The following AVL9 variants were observed in gnomAD, a reference collection of about 807,000 sequenced individuals.
AVL9 encodes late secretory pathway protein AVL9 homolog.
In AVL9, 49 loss-of-function variants were observed where a neutral mutation model predicts 79.2. That is an observed-to-expected ratio of 0.62 (90% CI 0.49 to 0.79). The LOEUF (loss-of-function observed/expected upper bound fraction) is 0.79, where lower values mean the gene tolerates loss of function less well. Ranked by LOEUF, AVL9 falls within the 30% of genes least tolerant of loss-of-function variation. The pLI is 0.00. For missense variants in AVL9, 682 were observed against 776.8 expected, an observed-to-expected ratio of 0.88 and a Z score of 1.45; for synonymous variants, 299 against 280.6, an observed-to-expected ratio of 1.07 and a Z score of -0.65.
rs6946504 is a variant in AVL9, at chr7:32,545,243, G to A, written c.300+464G>A. Among the ~76,000 whole-genome samples the A allele has an allele frequency of 7.1e-3, 1,075 of 150,614 alleles. 13 individuals are homozygous for A. The highest frequency in any genetic ancestry group is 0.024 in the African/African-American group (1,006 of 41,066). On this transcript the variant is annotated intron_variant, in intron 3 of 15. Transcript: ENST00000318709. ...CTGCCTCAGCCTGCTGAGTAGCTGG[G>A]ACTACAGGTGTGCACCACTGTGCCT...
At position 32,588,664 on chromosome 7, in the gene AVL9, CTTTAT is replaced by C. The variant is rs1001383852; in HGVS notation, c.*4762_*4766del. On this transcript the variant is annotated 3_prime_UTR_variant, in exon 16 of 16. Coordinates refer to ENST00000318709, the MANE Select transcript of AVL9 (RefSeq NM_015060.3). ...CTGAATTGTAAAACTTGAATTGTAT[CTTTAT>C]TTTAAGCATAAATGAGAATAAAATG... The C allele has an allele frequency of 5.3e-5, 8 of 152,038 alleles. No individual in the cohort carries two copies. Among genetic ancestry groups the C allele is most frequent in the African/African-American group, 1.2e-4 (5 of 41,394 alleles). 9.4% of individuals were successfully genotyped at this position (152,038 alleles called of 1,614,324 possible).
chr7:32,548,959 T>G, intron 4 of AVL9, 41 bp downstream of exon 4: 1 of 1,330,538 alleles, frequency 7.5e-7, no homozygotes, highest in Non-Finnish European at 1.0e-6. Context: ...TAAACCTTCA[T>G]GGCAGATCTT....
intron 1 of AVL9, among the ~76,000 whole-genome samples, chr7:32,542,766 T>G (rs1418231562): frequency 6.6e-6 from 1 of 152,158 alleles, no homozygotes; most frequent in African/African-American, 2.4e-5. Context: ...TGGGGCTCCT[T>G]TGTTGGACCT....
rs768597169 is a variant in AVL9 at position 32,570,158 on chromosome 7, C to T, written c.1350+4C>T. 6.8e-6 allele frequency: 11 copies of T among 1,613,924 alleles called. No homozygotes were observed. Among genetic ancestry groups the T allele is most frequent in the Non-Finnish European group, 7.6e-6 (9 of 1,179,992 alleles). ...CCTCAGTGATGCCATTGTGGAAGTA[C>T]GTTTATGTGTGAGTGTGTGTATTTG... On this transcript the variant is annotated splice_donor_region_variant and intron_variant, in intron 11 of 15. Coordinates refer to ENST00000318709, the MANE Select transcript of AVL9 (RefSeq NM_015060.3).
intron 13 of AVL9, among the ~76,000 whole-genome samples, chr7:32,579,746 G>A: frequency 6.9e-6 from 1 of 145,682 alleles, no homozygotes; most frequent in East Asian, 2.0e-4. Flanking sequence ...TTTTCTAACA[G>A]AAAGTAGAGA....
chr7:32,571,229 C>CAAAAA (rs35287763), intron 11 of AVL9, among the ~76,000 whole-genome samples: 4 of 65,110 alleles, frequency 6.1e-5, no homozygotes, highest in African/African-American at 1.8e-4. Context: ...GACCCTGTCT[C>CAAAAA]AAAAAAAAAA....
chr7:32,567,848 G>GTTGGGA (rs954383735), intron 10 of AVL9, among the ~76,000 whole-genome samples: 2 of 151,820 alleles, frequency 1.3e-5, no homozygotes, highest in African/African-American at 4.8e-5. Context: ...CTCTTGAGTA[G>GTTGGGA]TTGGGATTAC....
In AVL9 at chr7:32,572,493, T is replaced by C. The variant is rs554002781; in HGVS notation, c.1351-706T>C. Among the ~76,000 whole-genome samples, 13 of 150,726 alleles carry C rather than the reference T, an allele frequency of 8.6e-5. 1 individual carries two copies. The highest frequency in any genetic ancestry group is 2.5e-4 in the African/African-American group (10 of 40,190). On this transcript the variant is annotated intron_variant, in intron 11 of 15. Coordinates refer to ENST00000318709, the MANE Select transcript of AVL9 (RefSeq NM_015060.3). ...CATGTATTTTTTAGTATATCAAATA[T>C]TACATAATAAGATATTCTAAAGTAT...
intron 1 of AVL9, among the ~76,000 whole-genome samples, chr7:32,523,802 C>T (rs1449756713): frequency 1.4e-5 from 2 of 145,644 alleles, no homozygotes; most frequent in Admixed American, 7.0e-5. Flanking sequence ...GGCACGATCT[C>T]GGCTCACTGC....
chr7:32,521,214 G>T (rs763777491), intron 1 of AVL9, among the ~76,000 whole-genome samples: 1 of 152,188 alleles, frequency 6.6e-6, no homozygotes, highest in Non-Finnish European at 1.5e-5. Context: ...ACTTGAAAAT[G>T]TGGAAGCGAC....
At chr7:32,548,620 A>AT (rs1251801614) in intron 3 of AVL9, among the ~76,000 whole-genome samples, 16 of 152,130 alleles carry the variant, frequency 1.1e-4, no homozygotes, top group Admixed American at 1.0e-3. Context: ...GAGATTCGGG[A>AT]TTGTCCATTC....
intron 1 of AVL9, among the ~76,000 whole-genome samples, chr7:32,527,052 G>A (rs1178123744): frequency 6.7e-6 from 1 of 148,598 alleles, no homozygotes; most frequent in Non-Finnish European, 1.5e-5. Flanking sequence ...ACTATCACAG[G>A]AGAAGTGGGC....
In AVL9 at chr7:32,574,519, T is replaced by C. The variant is rs117646487; in HGVS notation, c.1570+1101T>C. On this transcript the variant is annotated intron_variant, in intron 12 of 15. Coordinates refer to ENST00000318709, the MANE Select transcript of AVL9 (RefSeq NM_015060.3). ...ATTTGCTTTTAAGCAAATTAATTAA[T>C]TTGCTTTTTTAAAAATATTTGCCCA... Among the ~76,000 whole-genome samples the C allele has an allele frequency of 5.9e-5, 9 of 152,084 alleles. No individual in the cohort carries two copies. The East Asian group carries it at 1.7e-3, about 29-fold the overall frequency.
At chr7:32,526,942 C>G (rs947572618) in intron 1 of AVL9, among the ~76,000 whole-genome samples, 1 of 152,178 alleles carries the variant, frequency 6.6e-6, no homozygotes, top group Non-Finnish European at 1.5e-5. Flanking sequence ...GAGGCTGCAT[C>G]CCATCCTCCC....
chr7:32,519,216 C>G (rs1788034561), intron 1 of AVL9, among the ~76,000 whole-genome samples: 1 of 152,074 alleles, frequency 6.6e-6, no homozygotes, highest in African/African-American at 2.4e-5. Context: ...ATCATGAGGT[C>G]AAGAGTTCGA....
intron 13 of AVL9, among the ~76,000 whole-genome samples, 182 bp from the exon 14 acceptor site, chr7:32,580,037 T>C (rs1022166053): frequency 2.6e-5 from 4 of 152,116 alleles, no homozygotes; most frequent in South Asian, 2.1e-4. Context: ...TAAGTAATCT[T>C]TTCTGGATGT....
chr7:32,583,894 A>T lies in AVL9; in HGVS notation c.1934A>T (p.Asp645Val). 3 of 1,613,482 alleles carry T rather than the reference A, an allele frequency of 1.9e-6. No individual in the cohort carries two copies. Among genetic ancestry groups the T allele is most frequent in the Non-Finnish European group, 2.5e-6 (3 of 1,179,452 alleles). The change falls in exon 16 of 16, where the codon GAT becomes GTT. Residue 645 changes from aspartate (D) to valine (V), a missense_variant. Transcript: ENST00000318709. ...STSQSLTEPPDEKP is the reference protein window; with the variant it reads ...STSQSLTEPPVEKP Reference sequence around the variant, plus strand: ...TCCCAAAGTCTCACTGAGCCACCAGATGAGAAGCCTTGAGCAAGGCGTCAG... The same window carrying T: ...TCCCAAAGTCTCACTGAGCCACCAGTTGAGAAGCCTTGAGCAAGGCGTCAG...
At chr7:32,540,236 A>G (rs898964103) in intron 1 of AVL9, among the ~76,000 whole-genome samples, 3 of 152,248 alleles carry the variant, frequency 2.0e-5, no homozygotes, top group Non-Finnish European at 4.4e-5. Flanking sequence ...TTATACTGCT[A>G]TGAACATTTT....
intron 1 of AVL9, among the ~76,000 whole-genome samples, chr7:32,502,467 T>C (rs1787186266): frequency 6.6e-6 from 1 of 150,862 alleles, no homozygotes; most frequent in Non-Finnish European, 1.5e-5. Flanking sequence ...TCATGTGAAA[T>C]ATACCATTAA....
Sources: allele counts gnomAD v4.1 joint callset (sites outside exome capture counted in the v4.1 genomes callset), GRCh38; gene constraint gnomAD v4.1.1; transcripts MANE v1.5; gene names NCBI Gene and HGNC (gene_info 2026-07-23, HGNC 2026-07-21).